Variants in RELB observed in about 807,000 individuals in gnomAD.
The protein encoded by RELB is transcription factor RelB.
Under a neutral mutation model 55.4 loss-of-function variants are expected in RELB, and 14 were observed. The ratio of observed to expected loss-of-function variants is 0.25; its 90% CI spans 0.17 to 0.40. The LOEUF is 0.40. Among genes scored for constraint, RELB ranks in the 10% least tolerant of loss-of-function variants. The pLI is 1.00. For missense variants in RELB, 669 were observed against 830.7 expected, an observed-to-expected ratio of 0.81 and a Z score of 2.39; for synonymous variants, 409 against 371.3, an observed-to-expected ratio of 1.10 and a Z score of -1.17.
intron 5 of RELB, 44 bp from the exon 6 acceptor site, chr19:45,025,285 G>T: frequency 7.1e-7 from 1 of 1,408,958 alleles, no homozygotes; most frequent in Non-Finnish European, 9.9e-7. Flanking sequence ...GGCCACACTT[G>T]CCTGCTCACG....
In RELB at chr19:45,033,557, C is replaced by T. The variant is rs929405467; in HGVS notation, c.1208-687C>T. Among the ~76,000 whole-genome samples, 12 of 151,030 alleles carry T rather than the reference C, an allele frequency of 7.9e-5. No individual in the cohort carries two copies. The South Asian group carries it at 1.7e-3, about 21-fold the overall frequency. Reference sequence around the variant, plus strand: ...AAAATTAGCCGGGCGTGGTGGTGGGCGCCTATAGTCCCAGCTACTCGGGAG... The same window carrying T: ...AAAATTAGCCGGGCGTGGTGGTGGGTGCCTATAGTCCCAGCTACTCGGGAG... On this transcript the variant is annotated intron_variant, in intron 9 of 11. Transcript: ENST00000221452.
Position 45,037,499 on chromosome 19 carries a change from C to T in RELB, c.1449C>T (p.Asp483=), listed in dbSNP as rs377385115. ...GCCTGGAGCCCCCTGGCGGGCCTGA[C>T]CTCCTGGACGATGGCTTTGCCTACG... The part of the protein sequence containing the change: ...LPGLEPPGGP[D]LLDDGFAYDP... The change falls in exon 12 of 12, where the codon GAC becomes GAT. Residue 483 remains aspartate (D), a synonymous_variant. Transcript: ENST00000221452. 14 of 1,612,852 alleles carry T rather than the reference C, an allele frequency of 8.7e-6. No homozygotes were observed. The African/African-American group carries it at 1.5e-4, about 17-fold the overall frequency.
chr19:45,016,036 T>A (rs1451939961), intron 4 of RELB, among the ~76,000 whole-genome samples: 1 of 152,016 alleles, frequency 6.6e-6, no homozygotes, highest in Non-Finnish European at 1.5e-5. Flanking sequence ...TCTCGCTCTG[T>A]CACCCAGGCT....
intron 8 of RELB, among the ~76,000 whole-genome samples, chr19:45,030,903 A>G (rs2122483837): frequency 6.6e-6 from 1 of 152,330 alleles, no homozygotes. Context: ...CTGGGTTTCC[A>G]TCTTGGCTCT....
At chr19:45,017,497 A>T (rs1568400089) in intron 4 of RELB, among the ~76,000 whole-genome samples, 1 of 148,742 alleles carries the variant, frequency 6.7e-6, no homozygotes, top group Non-Finnish European at 1.5e-5. Context: ...GTGATGTCTT[A>T]TAATTTTAAT....
At chr19:45,008,864 C>A in intron 2 of RELB, 1 of 221,742 alleles carries the variant, frequency 4.5e-6, no homozygotes, top group Non-Finnish European at 9.6e-6. Context: ...TATGGAATGA[C>A]GGGAGGTCGG....
rs80300564 is a variant in RELB at position 45,033,488 on chromosome 19, C to T, written c.1207+739C>T. On this transcript the variant is annotated intron_variant, in intron 9 of 11. Coordinates refer to ENST00000221452, the MANE Select transcript of RELB (RefSeq NM_006509.4). ...TCACCTGAGGTTAGGAGTTCGAGAC[C>T]AGCCTGAACAACATGGCGAAACCCC... 2.0e-5 allele frequency among the ~76,000 whole-genome samples: 3 copies of T among 151,738 alleles called. No individual in the cohort carries two copies. In the East Asian group the frequency reaches 5.9e-4, roughly 30 times the overall value.
At chr19:45,030,760 G>T (rs559081758) in intron 8 of RELB, among the ~76,000 whole-genome samples, 1 of 152,190 alleles carries the variant, frequency 6.6e-6, no homozygotes, top group Non-Finnish European at 1.5e-5. Flanking sequence ...TGGTGCCACC[G>T]CACTGCAGCC....
At chr19:45,003,916 T>G (rs1419955768) in intron 2 of RELB, among the ~76,000 whole-genome samples, 20 of 10,490 alleles carry the variant, frequency 1.9e-3, no homozygotes, top group South Asian at 9.3e-3. Context: ...GTTTTTTGTG[T>G]TTTTTTTTTT....
chr19:45,014,168 C>CT (rs113601074), intron 4 of RELB, among the ~76,000 whole-genome samples: 14,848 of 126,670 alleles, frequency 0.12, 1,382 homozygotes, highest in East Asian at 0.22. Context: ...ATTTCTAAGG[C>CT]TTTTTTTTTT....
chr19:45,007,473 G>A (rs1471091583), intron 2 of RELB, among the ~76,000 whole-genome samples: 1 of 152,176 alleles, frequency 6.6e-6, no homozygotes, highest in African/African-American at 2.4e-5. Flanking sequence ...GAAGCTCAGA[G>A]ACGGTAAGTG....
intron 8 of RELB, 49 bp from the exon 9 acceptor site, chr19:45,032,485 C>T (rs749420639): frequency 6.2e-5 from 92 of 1,480,222 alleles, no homozygotes; most frequent in African/African-American, 8.3e-5. Flanking sequence ...GTTGGGAGCA[C>T]AGTGGTCCAG....
intron 2 of RELB, chr19:45,008,736 A>G (rs1481938454): frequency 3.0e-6 from 1 of 330,046 alleles, no homozygotes; most frequent in African/African-American, 2.1e-5. Context: ...GCGTCTATAA[A>G]TCCCCAGCCA....
At chr19:45,009,730 T>A (rs1472957967) in intron 2 of RELB, 84 bp from the exon 3 acceptor site, 5 of 1,483,746 alleles carry the variant, frequency 3.4e-6, no homozygotes, top group Non-Finnish European at 4.6e-6. Context: ...AGGGACAGGG[T>A]TGGGGAATCT....
intron 4 of RELB, among the ~76,000 whole-genome samples, chr19:45,020,858 T>C (rs1313064320): frequency 6.6e-6 from 1 of 152,014 alleles, no homozygotes; most frequent in Non-Finnish European, 1.5e-5. Flanking sequence ...CACCCGGCCA[T>C]GGCACCCATC....
intron 11 of RELB, among the ~76,000 whole-genome samples, 167 bp from the exon 12 acceptor site, chr19:45,037,238 C>A (rs1299744145): frequency 6.7e-6 from 1 of 149,730 alleles, no homozygotes; most frequent in African/African-American, 2.5e-5. Context: ...GCCAAGAGCA[C>A]GTCATTGCAC....
intron 2 of RELB, among the ~76,000 whole-genome samples, chr19:45,004,206 C>T (rs1243607386): frequency 1.3e-5 from 2 of 150,094 alleles, no homozygotes; most frequent in African/African-American, 4.9e-5. Flanking sequence ...GTGTGAGCCA[C>T]CTCGCCTGGC....
intron 8 of RELB, among the ~76,000 whole-genome samples, chr19:45,030,332 A>C (rs1021871737): frequency 6.6e-6 from 1 of 152,104 alleles, no homozygotes; most frequent in Non-Finnish European, 1.5e-5. Context: ...TTTTTAATTA[A>C]AAAATAGCCA....
In RELB at chr19:45,001,619, A is replaced by C. The variant is rs892814300; in HGVS notation, c.40A>C (p.Thr14Pro). ...GCCAGCCTCTGGGCCGTCCGTCCCCACTGGCCGGGCCATGCCGAGTCGCCG... is the reference window on the plus strand; with the variant it reads ...GCCAGCCTCTGGGCCGTCCGTCCCCCCTGGCCGGGCCATGCCGAGTCGCCG... The part of the protein sequence containing the change: ...SGPASGPSVP[T>P]GRAMPSRRVA... Residue 14 changes from threonine (T) to proline (P), a missense_variant, in exon 1 of 12, where the codon ACT (threonine) becomes CCT (proline). Transcript: ENST00000221452. 2.6e-6 allele frequency: 4 copies of C among 1,519,516 alleles called. No individual in the cohort carries two copies. The highest frequency in any genetic ancestry group is 1.4e-5 in the African/African-American group (1 of 71,112). The allele number at this position is 1,519,516 out of a possible 1,614,324, so 94.1% of individuals were successfully genotyped here. A position where few individuals can be genotyped will look rare whatever the true frequency, so the allele number is the denominator to read the frequency against.
Sources: allele counts gnomAD v4.1 joint callset (sites outside exome capture counted in the v4.1 genomes callset), GRCh38; gene constraint gnomAD v4.1.1; transcripts MANE v1.5; gene names NCBI Gene and HGNC (gene_info 2026-07-23, HGNC 2026-07-21).